The following RBFOX2 variants were observed in gnomAD, a reference collection of about 807,000 sequenced individuals.
RBFOX2 encodes RNA binding protein fox-1 homolog 2.
RBFOX2 carries 10 observed loss-of-function variants against 49.1 expected under a neutral mutation model. The observed-to-expected ratio is 0.20, with a 90% confidence interval of 0.13 to 0.35. The LOEUF is 0.35. Ranked by LOEUF, RBFOX2 falls within the 10% of genes least tolerant of loss-of-function variation. The probability of loss-of-function intolerance (pLI) is 1.00; values close to 1 mark genes in which losing one functional copy is unlikely to be tolerated. For synonymous variants in RBFOX2, 183 were observed against 187.4 expected (o/e 0.98, Z 0.19); for missense variants, 323 against 486.9 (o/e 0.66, Z 3.17).
rs537477236 is a variant in RBFOX2 at position 35,926,103 on chromosome 22, T to A, written c.-34+12744A>T. Among the ~76,000 whole-genome samples, 7 of 152,358 alleles carry A rather than the reference T, an allele frequency of 4.6e-5. No individual in the cohort carries two copies. In the East Asian group the frequency reaches 9.6e-4, roughly 21 times the overall value. On this transcript the variant is annotated intron_variant, in intron 1 of 13. Transcript: ENST00000359369. ...TGTCCACCAACTATGAGGCCTTTTGTCTTACCTTATACTTAATTAGTTGGT... is the reference window on the plus strand; with the variant it reads ...TGTCCACCAACTATGAGGCCTTTTGACTTACCTTATACTTAATTAGTTGGT...
At chr22:35,922,352 G>C (rs1470624803) in intron 1 of RBFOX2, among the ~76,000 whole-genome samples, 1 of 151,620 alleles carries the variant, frequency 6.6e-6, no homozygotes, top group Non-Finnish European at 1.5e-5. Flanking sequence ...AGGCCATCGC[G>C]GGCAGATCAC....
At chr22:35,933,947 T>TAC (rs2052735977) in intron 1 of RBFOX2, among the ~76,000 whole-genome samples, 1 of 139,324 alleles carries the variant, frequency 7.2e-6, no homozygotes, top group African/African-American at 2.7e-5. Context: ...TATATATATA[T>TAC]ATATATACAC....
chr22:35,952,636 A>G (rs894129633), intron 1 of RBFOX2, among the ~76,000 whole-genome samples: 1 of 152,202 alleles, frequency 6.6e-6, no homozygotes, highest in Non-Finnish European at 1.5e-5. Context: ...TGAGATACAG[A>G]GCTCTAATAG....
At chr22:35,853,304 AAAAAG>A (rs1440547519) in intron 1 of RBFOX2, among the ~76,000 whole-genome samples, 1 of 151,824 alleles carries the variant, frequency 6.6e-6, no homozygotes, top group East Asian at 1.9e-4. Context: ...AAAAAAAAAA[AAAAAG>A]AAAGAAAGAA....
chr22:35,977,732 A>G (rs1481228062), intron 1 of RBFOX2, among the ~76,000 whole-genome samples: 1 of 104,216 alleles, frequency 9.6e-6, no homozygotes, highest in African/African-American at 3.1e-5. Flanking sequence ...CTATATATAT[A>G]TATATATATA....
At chr22:35,840,630 G>A (rs1603388346), upstream of RBFOX2, 1 of 1,045,164 alleles carries the variant, frequency 9.6e-7, no homozygotes, top group East Asian at 6.3e-5. Context: ...GTGCGTGTGT[G>A]CGTGTGTGTG....
At chr22:35,755,755 G>A (rs187097510) in intron 9 of RBFOX2, among the ~76,000 whole-genome samples, 19 of 152,102 alleles carry the variant, frequency 1.2e-4, no homozygotes, top group Non-Finnish European at 1.9e-4. Context: ...CAAATGACAC[G>A]ACAATAATAA....
chr22:35,836,429 C>T (rs959899791), intron 1 of RBFOX2: 1 of 152,250 alleles, frequency 6.6e-6, no homozygotes, highest in Non-Finnish European at 1.5e-5. Context: ...TGAAAGACTT[C>T]AGCCTTCCAG....
At chr22:35,809,044 G>A (rs1037183597) in intron 2 of RBFOX2, among the ~76,000 whole-genome samples, 4 of 150,040 alleles carry the variant, frequency 2.7e-5, no homozygotes, top group African/African-American at 9.9e-5. Flanking sequence ...GTAGGAAATC[G>A]GCATTTGCAT....
At chr22:35,934,631 T>C (rs1346864171) in intron 1 of RBFOX2, among the ~76,000 whole-genome samples, 4 of 152,110 alleles carry the variant, frequency 2.6e-5, no homozygotes, top group Non-Finnish European at 5.9e-5. Context: ...AGGACCCCCA[T>C]CACTTTCTAG....
intron 1 of RBFOX2, among the ~76,000 whole-genome samples, chr22:35,824,140 C>T (rs963821547): frequency 6.6e-6 from 1 of 151,552 alleles, no homozygotes; most frequent in Non-Finnish European, 1.5e-5. Context: ...CAGGATGAGA[C>T]GGACGAGACT....
At chr22:36,026,014 C>G (rs890618419) in intron 1 of RBFOX2, among the ~76,000 whole-genome samples, 4 of 152,106 alleles carry the variant, frequency 2.6e-5, no homozygotes, top group Admixed American at 6.5e-5. Flanking sequence ...CCTGTAATCC[C>G]AACATTTTGG....
intron 1 of RBFOX2, among the ~76,000 whole-genome samples, chr22:35,826,080 G>A (rs971421301): frequency 3.5e-5 from 5 of 143,108 alleles, no homozygotes; most frequent in African/African-American, 1.3e-4. Flanking sequence ...AGCGGCTCAC[G>A]CCTATAATCC....
intron 1 of RBFOX2, among the ~76,000 whole-genome samples, chr22:35,872,063 G>A (rs1039420243): frequency 6.6e-6 from 1 of 152,220 alleles, no homozygotes; most frequent in African/African-American, 2.4e-5. Context: ...ACCAAATCCT[G>A]ACAAGTAAGT....
chr22:35,988,925 C>A (rs1039720017), intron 1 of RBFOX2, among the ~76,000 whole-genome samples: 4 of 152,238 alleles, frequency 2.6e-5, no homozygotes, highest in Non-Finnish European at 4.4e-5. Context: ...CATAGTGGCT[C>A]ATGCCTGTAA....
intron 1 of RBFOX2, among the ~76,000 whole-genome samples, chr22:36,026,519 A>G (rs780372275): frequency 6.7e-6 from 1 of 149,634 alleles, no homozygotes; most frequent in Non-Finnish European, 1.5e-5. Context: ...ACTAGGATTG[A>G]CAGAAATGAT....
At chr22:35,792,241 G>A (rs867204989) in intron 2 of RBFOX2, among the ~76,000 whole-genome samples, 3 of 150,356 alleles carry the variant, frequency 2.0e-5, no homozygotes, top group Admixed American at 6.6e-5. Flanking sequence ...TGCTTGAACC[G>A]GGAGGTGGAG....
chr22:35,920,026 A>C (rs2050856622), intron 1 of RBFOX2, among the ~76,000 whole-genome samples: 1 of 152,228 alleles, frequency 6.6e-6, no homozygotes. Context: ...ACATATACAC[A>C]GAATAGTGGC....
chr22:36,007,941 G>A (rs977755520), intron 1 of RBFOX2, among the ~76,000 whole-genome samples: 3 of 151,818 alleles, frequency 2.0e-5, no homozygotes, highest in Non-Finnish European at 2.9e-5. Flanking sequence ...TCCTGTCAAC[G>A]AGCATTTTTG....
Sources: allele counts gnomAD v4.1 joint callset (sites outside exome capture counted in the v4.1 genomes callset), GRCh38; gene constraint gnomAD v4.1.1; transcripts MANE v1.5; gene names NCBI Gene and HGNC (gene_info 2026-07-23, HGNC 2026-07-21).